TAPBP: variants seen among roughly 807,000 people sequenced by gnomAD.
The protein encoded by TAPBP is TAP binding protein, also known as tapasin.
A neutral mutation model predicts 45.7 loss-of-function variants in TAPBP; 38 were observed. That is an observed-to-expected ratio of 0.83 (90% CI 0.64 to 1.09). The LOEUF (loss-of-function observed/expected upper bound fraction) is 1.09. TAPBP is among the 50% of genes least tolerant of loss of function. The pLI is 0.00. For missense variants in TAPBP, 513 were observed against 587.3 expected (o/e 0.87, Z 1.31); for synonymous variants, 226 against 254.8 (o/e 0.89, Z 1.08).
At chr6:33,308,208 G>A (rs921384946) in intron 3 of TAPBP, 2 of 151,784 alleles carry the variant, frequency 1.3e-5, no homozygotes, top group Non-Finnish European at 2.9e-5. Flanking sequence ...CGTGGTTGTG[G>A]GTGCCTGTGA....
intron 3 of TAPBP, among the ~76,000 whole-genome samples, chr6:33,306,509 G>A (rs1454348719): frequency 6.6e-6 from 1 of 152,164 alleles, no homozygotes; most frequent in Non-Finnish European, 1.5e-5. Context: ...TCCCCACCAG[G>A]ACCTAACAGA....
chr6:33,299,939 T>G lies in TAPBP; in HGVS notation c.*1821A>C, dbSNP rs1768421518. ...CCCATGATCCGCGGGGAGACAGGCATTTAACGACGACTCACACGATCACTT... is the reference window on the plus strand; with the variant it reads ...CCCATGATCCGCGGGGAGACAGGCAGTTAACGACGACTCACACGATCACTT... On this transcript the variant is annotated 3_prime_UTR_variant, in exon 8 of 8. Coordinates refer to ENST00000434618, the MANE Select transcript of TAPBP (RefSeq NM_003190.5). The surrounding 1 kb of genome is among the most constrained non-coding windows in gnomAD (Gnocchi z 5.0). The G allele has an allele frequency of 6.5e-6, 1 of 153,292 alleles. No individual in the cohort carries two copies. Among genetic ancestry groups the G allele is most frequent in the African/African-American group, 2.4e-5 (1 of 41,400 alleles). 9.5% of individuals were successfully genotyped at this position (153,292 alleles called of 1,614,324 possible). A position where few individuals can be genotyped will look rare whatever the true frequency, so the allele number is the denominator to read the frequency against.
rs1460798203 is a variant in TAPBP at position 33,300,259 on chromosome 6, T to G, written c.*1501A>C. 5 of 153,946 alleles carry G rather than the reference T, an allele frequency of 3.2e-5. No individual in the cohort carries two copies. Among genetic ancestry groups the G allele is most frequent in the Admixed American group, 1.3e-4 (2 of 15,312 alleles). The allele number at this position is 153,946 out of a possible 1,614,324, so 9.5% of individuals were successfully genotyped here. Reference sequence around the variant, plus strand: ...GTGAGCCAGGGCAAGAAGAATGGATTTGGCCCTAGAGTACGGGTTCTCCAA... The same window carrying G: ...GTGAGCCAGGGCAAGAAGAATGGATGTGGCCCTAGAGTACGGGTTCTCCAA... On this transcript the variant is annotated 3_prime_UTR_variant, in exon 8 of 8. Coordinates refer to ENST00000434618, the MANE Select transcript of TAPBP (RefSeq NM_003190.5).
chr6:33,305,173 C>T lies in TAPBP; in HGVS notation c.684G>A (p.Met228Ile). 1.2e-6 allele frequency: 2 copies of T among 1,614,250 alleles called. No individual in the cohort carries two copies. The highest frequency in any genetic ancestry group is 1.3e-5 in the African/African-American group (1 of 75,072). ...CCACGGCCCCTTCTTGGGCTGCTGG[C>T]ATCTGGCCATTCAGCCCAGGAGTTG... is the stretch of plus-strand genomic sequence containing the variant. The part of the protein sequence containing the change: ...LAATPGLNGQ[M>I]PAAQEGAVAF... The change falls in exon 4 of 8, where the codon ATG becomes ATA. Residue 228 changes from methionine to isoleucine, a missense_variant. Transcript: ENST00000434618. The surrounding 1 kb of genome is among the most constrained non-coding windows in gnomAD (Gnocchi z 4.4).
At position 33,313,104 on chromosome 6, in the gene TAPBP, G is replaced by A; in HGVS notation, c.469+113C>T. ...AAACCACCTCTCTTAACAAAAAAAG[G>A]AAACTGAACCCCGATTGGCGAAATG... On this transcript the variant is annotated intron_variant, in intron 3 of 7. Transcript: ENST00000434618. The surrounding 1 kb of genome is among the most constrained non-coding windows in gnomAD (Gnocchi z 7.2). 2.3e-6 allele frequency: 3 copies of A among 1,306,436 alleles called. No homozygotes were observed. The South Asian group carries it at 4.4e-5, about 19-fold the overall frequency. 80.9% of individuals were successfully genotyped at this position (1,306,436 alleles called of 1,614,324 possible). A position where few individuals can be genotyped will look rare whatever the true frequency, so the allele number is the denominator to read the frequency against.
At chr6:33,310,691 T>G (rs1314054212) in intron 3 of TAPBP, among the ~76,000 whole-genome samples, 1 of 151,600 alleles carries the variant, frequency 6.6e-6, no homozygotes, top group Non-Finnish European at 1.5e-5. Context: ...TGGTGGCACA[T>G]GCCTGTGGTC....
Position 33,313,115 on chromosome 6 carries a change from C to T in TAPBP, c.469+102G>A, listed in dbSNP as rs1769480870. 2.1e-6 allele frequency: 3 copies of T among 1,395,950 alleles called. No homozygotes were observed. The highest frequency in any genetic ancestry group is 1.9e-6 in the Non-Finnish European group (2 of 1,030,088). The allele number at this position is 1,395,950 out of a possible 1,614,324, so 86.5% of individuals were successfully genotyped here. On this transcript the variant is annotated intron_variant, in intron 3 of 7. Coordinates refer to ENST00000434618, the MANE Select transcript of TAPBP (RefSeq NM_003190.5). The surrounding 1 kb of genome is among the most constrained non-coding windows in gnomAD (Gnocchi z 7.2). ...CTTAACAAAAAAAGGAAACTGAACC[C>T]CGATTGGCGAAATGTCTTGCTCAAG...
intron 3 of TAPBP, among the ~76,000 whole-genome samples, chr6:33,312,803 G>A (rs980147769): frequency 6.6e-6 from 1 of 152,208 alleles, no homozygotes; most frequent in African/African-American, 2.4e-5. Context: ...CCGCAAAGCT[G>A]AGGGTGCAGA....
Position 33,313,063 on chromosome 6 carries a change from T to C in TAPBP, c.469+154A>G, listed in dbSNP as rs1769477478. 1.2e-6 allele frequency: 1 copy of C among 810,110 alleles called. No homozygotes were observed. 50.2% of individuals were successfully genotyped at this position (810,110 alleles called of 1,614,324 possible). A position where few individuals can be genotyped will look rare whatever the true frequency, so the allele number is the denominator to read the frequency against. On this transcript the variant is annotated intron_variant, in intron 3 of 7. Coordinates refer to ENST00000434618, the MANE Select transcript of TAPBP (RefSeq NM_003190.5). The surrounding 1 kb of genome is among the most constrained non-coding windows in gnomAD (Gnocchi z 7.2). ...TGAGGGCTAGAAGGAGCGGTAGAGA[T>C]TGATTCATTCTAGCCAAACCACCTC...
In TAPBP at chr6:33,313,191, C is replaced by G. The variant is rs779614538; in HGVS notation, c.469+26G>C. ...TCTGGACCCTTAGAATCTACCCACCCTTCTCCACCTCCCCTCCCCAGCTAC... is the reference window on the plus strand; with the variant it reads ...TCTGGACCCTTAGAATCTACCCACCGTTCTCCACCTCCCCTCCCCAGCTAC... On this transcript the variant is annotated intron_variant, in intron 3 of 7. Coordinates refer to ENST00000434618, the MANE Select transcript of TAPBP (RefSeq NM_003190.5). The surrounding 1 kb of genome is among the most constrained non-coding windows in gnomAD (Gnocchi z 7.2). 32 of 1,593,244 alleles carry G rather than the reference C, an allele frequency of 2.0e-5. No individual in the cohort carries two copies. The highest frequency in any genetic ancestry group is 2.6e-5 in the Non-Finnish European group (30 of 1,164,684).
intron 7 of TAPBP, among the ~76,000 whole-genome samples, chr6:33,302,930 A>G (rs551038360): frequency 1.3e-5 from 2 of 152,330 alleles, no homozygotes; most frequent in East Asian, 3.9e-4. Context: ...GGCATGAGCC[A>G]TCGCACCCGG....
chr6:33,308,493 C>T (rs1302347833), intron 3 of TAPBP, among the ~76,000 whole-genome samples: 1 of 152,176 alleles, frequency 6.6e-6, no homozygotes, highest in Non-Finnish European at 1.5e-5. Context: ...GCTTCTCCTG[C>T]ACCCTACAAA....
chr6:33,313,784 T>G lies in TAPBP; in HGVS notation c.118A>C (p.Lys40Gln). Residue 40 changes from lysine (K) to glutamine (Q), a missense_variant, in exon 2 of 8, where the codon AAG (lysine) becomes CAG (glutamine). By Grantham distance (53) the Lys-to-Gln change is moderately conservative. Coordinates refer to ENST00000434618, the MANE Select transcript of TAPBP (RefSeq NM_003190.5). This position sits in a 1 kb window ranked among gnomAD's most constrained non-coding sequence, Gnocchi z 7.2. ...CGCAACAGCAGTGCACCGGGTCTCT[T>G]GGCCAGGCCCTTTCCGCTCGCATCC... is the stretch of plus-strand genomic sequence containing the variant. ...VEDASGKGLA[K>Q]RPGALLLRQG... 1 of 1,613,728 alleles carries G rather than the reference T, an allele frequency of 6.2e-7. No homozygotes were observed. Among genetic ancestry groups the G allele is most frequent in the Non-Finnish European group, 8.5e-7 (1 of 1,180,004 alleles).
intron 3 of TAPBP, among the ~76,000 whole-genome samples, chr6:33,307,929 C>G (rs1334699889): frequency 6.6e-6 from 1 of 152,148 alleles, no homozygotes; most frequent in African/African-American, 2.4e-5. Context: ...TCATCACTAT[C>G]ATGGACTTGC....
chr6:33,309,975 C>T (rs191088518), intron 3 of TAPBP, among the ~76,000 whole-genome samples: 96 of 151,574 alleles, frequency 6.3e-4, no homozygotes, highest in Non-Finnish European at 9.4e-4. Context: ...CTGCCCACCT[C>T]GGCCTCCCAA....
In TAPBP at chr6:33,305,031, G is replaced by A; in HGVS notation, c.826C>T (p.Pro276Ser). 1.2e-6 allele frequency: 2 copies of A among 1,614,192 alleles called. No individual in the cohort carries two copies. The highest frequency in any genetic ancestry group is 1.7e-6 in the Non-Finnish European group (2 of 1,180,038). ...EGTYLATIHL[P>S]YLQGQVTLEL... Reference sequence around the variant, plus strand: ...AGGGTGACCTGTCCTTGCAGGTATGGCAGGTGTATGGTGGCCAGATAGGTG... The same window carrying A: ...AGGGTGACCTGTCCTTGCAGGTATGACAGGTGTATGGTGGCCAGATAGGTG... The change falls in exon 4 of 8, where the codon CCA becomes TCA. Residue 276 changes from proline to serine, a missense_variant. Physicochemically the swap from Pro to Ser is moderately conservative, Grantham distance 74. Coordinates refer to ENST00000434618, the MANE Select transcript of TAPBP (RefSeq NM_003190.5). This position sits in a 1 kb window ranked among gnomAD's most constrained non-coding sequence, Gnocchi z 4.4.
Position 33,299,763 on chromosome 6 carries a change from G to C in TAPBP, c.*1997C>G, listed in dbSNP as rs919536686. ...CGTTACCCCGTGGGTCTGGCCGACC[G>C]TCCTGACTCGGAGATCCCTGAGCTG... On this transcript the variant is annotated 3_prime_UTR_variant, in exon 8 of 8. Transcript: ENST00000434618. This position sits in a 1 kb window ranked among gnomAD's most constrained non-coding sequence, Gnocchi z 5.0. 1 of 152,364 alleles carries C rather than the reference G, an allele frequency of 6.6e-6. No homozygotes were observed. Among genetic ancestry groups the C allele is most frequent in the Non-Finnish European group, 1.5e-5 (1 of 68,148 alleles). 9.4% of individuals were successfully genotyped at this position (152,364 alleles called of 1,614,324 possible). A position where few individuals can be genotyped will look rare whatever the true frequency, so the allele number is the denominator to read the frequency against.
In TAPBP at chr6:33,313,742, G is replaced by A; in HGVS notation, c.160C>T (p.Pro54Ser). ...GGGTCGAGGTCCGGCCGGGGCGGCGGTTCCCCCGGTCCCTGGCGCAACAGC... is the reference window on the plus strand; with the variant it reads ...GGGTCGAGGTCCGGCCGGGGCGGCGATTCCCCCGGTCCCTGGCGCAACAGC... ...ALLLRQGPGE[P>S]PPRPDLDPEL... The change falls in exon 2 of 8, where the codon CCG (proline) becomes TCG (serine). Residue 54 changes from proline (P) to serine (S), a missense_variant. Physicochemically the swap from Pro to Ser is moderately conservative, Grantham distance 74 (BLOSUM62 -1). Transcript: ENST00000434618. This position sits in a 1 kb window ranked among gnomAD's most constrained non-coding sequence, Gnocchi z 7.2. 3.1e-6 allele frequency: 5 copies of A among 1,613,634 alleles called. No homozygotes were observed. Among genetic ancestry groups the A allele is most frequent in the Non-Finnish European group, 4.2e-6 (5 of 1,180,008 alleles).
In TAPBP at chr6:33,313,206, T is replaced by C. The variant is rs1769490727; in HGVS notation, c.469+11A>G. ...TCTACCCACCCTTCTCCACCTCCCCTCCCCAGCTACCTGTTGCCATGGTGA... is the reference window on the plus strand; with the variant it reads ...TCTACCCACCCTTCTCCACCTCCCCCCCCCAGCTACCTGTTGCCATGGTGA... On this transcript the variant is annotated intron_variant, in intron 3 of 7. Transcript: ENST00000434618. This position sits in a 1 kb window ranked among gnomAD's most constrained non-coding sequence, Gnocchi z 7.2. 2 of 1,599,380 alleles carry C rather than the reference T, an allele frequency of 1.3e-6. No individual in the cohort carries two copies. The highest frequency in any genetic ancestry group is 2.2e-5 in the South Asian group (2 of 90,582).
Sources: gnomAD v4.1 joint callset for allele counts (sites outside exome capture counted in the v4.1 genomes callset) on GRCh38, gnomAD v4.1.1 for gene constraint, Gnocchi (gnomAD v3.1) non-coding constraint, MANE v1.5 for transcripts, NCBI Gene and HGNC (gene_info 2026-07-23, HGNC 2026-07-21) for gene names.